Variants in EYS observed in about 807,000 individuals in gnomAD.
EYS encodes protein eyes shut homolog.
EYS carries 250 observed loss-of-function variants against 282.1 expected under a neutral mutation model. The observed-to-expected ratio is 0.89, with a 90% CI of 0.80 to 0.98. The LOEUF (loss-of-function observed/expected upper bound fraction) is 0.98, where lower values mean the gene tolerates loss of function less well. EYS is among the 50% of genes least tolerant of loss of function. The pLI, the probability that EYS is intolerant of heterozygous loss-of-function variation, is 0.00. For synonymous variants in EYS, 1,355 were observed against 1,282.9 expected (o/e 1.06, Z -1.20); for missense variants, 4,016 against 3,709.0 (o/e 1.08, Z -2.15).
At chr6:64,107,052 A>C (rs1773038602) in intron 31 of EYS, among the ~76,000 whole-genome samples, 1 of 150,836 alleles carries the variant, frequency 6.6e-6, no homozygotes, top group South Asian at 2.1e-4. Flanking sequence ...TGCTTACATT[A>C]TTACTACTAT....
chr6:65,012,884 A>AG (rs56244018), intron 13 of EYS, among the ~76,000 whole-genome samples: 1 of 151,442 alleles, frequency 6.6e-6, no homozygotes, highest in Non-Finnish European at 1.5e-5. Flanking sequence ...ATAAAAAAAA[A>AG]TCTATCAAGT....
At chr6:63,867,711 TA>T (rs139594159) in intron 35 of EYS, among the ~76,000 whole-genome samples, 148 of 152,284 alleles carry the variant, frequency 9.7e-4, no homozygotes, top group African/African-American at 3.3e-3. Flanking sequence ...CAGATGACAG[TA>T]GTTACTAAAA....
intron 26 of EYS, among the ~76,000 whole-genome samples, chr6:64,552,929 T>TC (rs375820776): frequency 1.3e-4 from 5 of 39,504 alleles, no homozygotes; most frequent in South Asian, 1.1e-3. Flanking sequence ...CCCCGCCCCC[T>TC]CCCCCCCAAA....
intron 31 of EYS, among the ~76,000 whole-genome samples, chr6:64,139,989 A>G (rs573166906): frequency 3.2e-4 from 48 of 151,190 alleles, no homozygotes; most frequent in Non-Finnish European, 5.7e-4. Flanking sequence ...AAATAAATAA[A>G]TAAATAAATA....
intron 26 of EYS, among the ~76,000 whole-genome samples, chr6:64,503,692 G>A (rs1338854912): frequency 6.6e-6 from 1 of 152,164 alleles, no homozygotes; most frequent in African/African-American, 2.4e-5. Context: ...CCAAGAGAAT[G>A]GCCTTGACTC....
chr6:64,500,113 T>C (rs780959972), intron 26 of EYS, among the ~76,000 whole-genome samples: 20 of 152,146 alleles, frequency 1.3e-4, no homozygotes, highest in Non-Finnish European at 2.8e-4. Context: ...ATAGAACTGT[T>C]AGCTAAATGT....
intron 12 of EYS, among the ~76,000 whole-genome samples, chr6:65,063,860 C>T (rs1773652670): frequency 6.6e-6 from 1 of 151,876 alleles, no homozygotes; most frequent in South Asian, 2.1e-4. Context: ...ATCACTGTCT[C>T]TTGCCTTCCT....
chr6:65,571,348 G>T (rs1764471415), intron 2 of EYS, among the ~76,000 whole-genome samples: 1 of 151,978 alleles, frequency 6.6e-6, no homozygotes, highest in African/African-American at 2.4e-5. Flanking sequence ...AATAAAAGTT[G>T]ATAGGCAGAT....
At chr6:63,950,665 G>A (rs551518971) in intron 35 of EYS, among the ~76,000 whole-genome samples, 60 of 152,212 alleles carry the variant, frequency 3.9e-4, no homozygotes, top group Middle Eastern at 3.4e-3. Context: ...TCTTTGCTCC[G>A]TGAGAAAGAT....
intron 34 of EYS, among the ~76,000 whole-genome samples, chr6:63,993,942 G>A (rs1767717580): frequency 6.6e-6 from 1 of 151,846 alleles, no homozygotes. Flanking sequence ...CTGGCATAAA[G>A]AAATGTATAA....
intron 14 of EYS, among the ~76,000 whole-genome samples, chr6:64,980,984 C>T (rs1187256821): frequency 6.6e-6 from 1 of 151,274 alleles, no homozygotes; most frequent in Non-Finnish European, 1.5e-5. Context: ...AATAACAAAA[C>T]TGAGGCCCAG....
At chr6:65,049,213 C>T (rs906492821) in intron 13 of EYS, among the ~76,000 whole-genome samples, 1 of 151,762 alleles carries the variant, frequency 6.6e-6, no homozygotes, top group Non-Finnish European at 1.5e-5. Context: ...CTTCGCATTG[C>T]CCCTAATATT....
chr6:64,184,051 A>G (rs970177408), intron 31 of EYS, among the ~76,000 whole-genome samples: 2 of 152,124 alleles, frequency 1.3e-5, no homozygotes, highest in Non-Finnish European at 2.9e-5. Context: ...TGAGCGCCTC[A>G]TTTAAAATAA....
intron 36 of EYS, among the ~76,000 whole-genome samples, chr6:63,815,345 C>A (rs1771152276): frequency 6.6e-6 from 1 of 152,090 alleles, no homozygotes; most frequent in Non-Finnish European, 1.5e-5. Flanking sequence ...AAGATCTGAA[C>A]CCCTGTTCAT....
chr6:64,802,769 G>T (rs1334827717), intron 22 of EYS, among the ~76,000 whole-genome samples: 1 of 152,150 alleles, frequency 6.6e-6, no homozygotes, highest in Non-Finnish European at 1.5e-5. Context: ...TTGCCAATTT[G>T]CTTCATGTAA....
intron 2 of EYS, among the ~76,000 whole-genome samples, chr6:65,579,575 T>C (rs1043794989): frequency 2.6e-5 from 4 of 152,090 alleles, no homozygotes; most frequent in African/African-American, 9.7e-5. Context: ...GAGGCCTCTC[T>C]TTCTTCCTTG....
intron 22 of EYS, among the ~76,000 whole-genome samples, chr6:64,798,612 T>A (rs1466599816): frequency 6.7e-6 from 1 of 148,368 alleles, no homozygotes; most frequent in Non-Finnish European, 1.5e-5. Flanking sequence ...TTCTGGTTTT[T>A]TTTTTTTTTT....
At chr6:65,662,593 G>A (rs183643253) in intron 1 of EYS, among the ~76,000 whole-genome samples, 2 of 152,166 alleles carry the variant, frequency 1.3e-5, no homozygotes, top group East Asian at 3.9e-4. Context: ...CTCAATAAAT[G>A]AGTGCTCCAC....
At chr6:64,258,193 G>C (rs909033866) in intron 30 of EYS, among the ~76,000 whole-genome samples, 1 of 151,954 alleles carries the variant, frequency 6.6e-6, no homozygotes, top group Admixed American at 6.6e-5. Flanking sequence ...TTAACTTAAT[G>C]GTACAGTATG....
Sources: allele counts gnomAD v4.1 joint callset (sites outside exome capture counted in the v4.1 genomes callset), GRCh38; gene constraint gnomAD v4.1.1; transcripts MANE v1.5; gene names NCBI Gene and HGNC (gene_info 2026-07-23, HGNC 2026-07-21).